The following HRH1 variants were observed in gnomAD, a reference collection of about 807,000 sequenced individuals.
The protein encoded by HRH1 is histamine receptor H1, also known as histamine H1 receptor.
A neutral mutation model predicts 10.3 loss-of-function variants in HRH1; 6 were observed. The observed-to-expected ratio is 0.58, with a 90% CI of 0.32 to 1.15. HRH1 has a LOEUF of 1.15. Ranked by LOEUF, HRH1 falls within the 50% of genes most tolerant of loss-of-function variation. The probability of loss-of-function intolerance (pLI) is 0.05; values close to 1 mark genes in which losing one functional copy is unlikely to be tolerated. For synonymous variants in HRH1, 242 were observed against 236.7 expected, an observed-to-expected ratio of 1.02 and a Z score of -0.21; for missense variants, 514 against 615.3, an observed-to-expected ratio of 0.84 and a Z score of 1.74.
At chr3:11,179,551 C>T (rs1252356410) in intron 1 of HRH1, among the ~76,000 whole-genome samples, 34 of 150,170 alleles carry the variant, frequency 2.3e-4, no homozygotes, top group African/African-American at 7.3e-4. Context: ...ACTCGGGAGG[C>T]GGAGCTTGCA....
intron 1 of HRH1, among the ~76,000 whole-genome samples, chr3:11,222,236 T>G (rs544124806): frequency 6.6e-6 from 1 of 150,870 alleles, no homozygotes; most frequent in East Asian, 2.0e-4. Flanking sequence ...CAGGACGGGG[T>G]GGGAGTGAGG....
intron 1 of HRH1, among the ~76,000 whole-genome samples, chr3:11,203,408 T>C (rs1344218317): frequency 1.3e-5 from 2 of 152,162 alleles, no homozygotes; most frequent in Non-Finnish European, 2.9e-5. Flanking sequence ...ATGCCTTTGG[T>C]ATTGTATCTA....
chr3:11,175,589 G>C (rs1197071787), intron 1 of HRH1, among the ~76,000 whole-genome samples: 1 of 152,074 alleles, frequency 6.6e-6, no homozygotes, highest in Non-Finnish European at 1.5e-5. Flanking sequence ...TAACCACACA[G>C]TAAAGGAGAA....
intron 1 of HRH1, among the ~76,000 whole-genome samples, chr3:11,244,420 A>G (rs186129006): frequency 3.3e-5 from 5 of 152,276 alleles, no homozygotes; most frequent in African/African-American, 1.2e-4. Flanking sequence ...ATGAGAGGAG[A>G]CTATTAGCAG....
chr3:11,237,664 C>CTTTTTT (rs376450222), intron 1 of HRH1, among the ~76,000 whole-genome samples: 18 of 83,104 alleles, frequency 2.2e-4, no homozygotes, highest in East Asian at 3.6e-4. Context: ...TTTTCTTTTC[C>CTTTTTT]TTTTTTTTTT....
intron 1 of HRH1, among the ~76,000 whole-genome samples, chr3:11,166,856 C>CTGT (rs1559258002): frequency 6.6e-5 from 8 of 121,168 alleles, no homozygotes; most frequent in Non-Finnish European, 1.2e-4. Context: ...TCCAGACCCA[C>CTGT]GACATTTGCT....
In HRH1 at chr3:11,259,143, A is replaced by G. The variant is rs1194099717; in HGVS notation, c.106A>G (p.Thr36Ala). ...QLMPLVVVLS[T>A]ICLVTVGLNL... ...GATGCCCCTGGTGGTGGTCCTGAGC[A>G]CTATCTGCTTGGTCACAGTAGGGCT... Residue 36 changes from threonine (T) to alanine (A), a missense_variant, in exon 2 of 2, where the codon ACT (threonine) becomes GCT (alanine). Transcript: ENST00000431010. The surrounding 1 kb of genome is among the most constrained non-coding windows in gnomAD (Gnocchi z 4.6). 6.2e-7 allele frequency: 1 copy of G among 1,613,826 alleles called. No individual in the cohort carries two copies. The highest frequency in any genetic ancestry group is 1.3e-5 in the African/African-American group (1 of 74,834).
At chr3:11,207,755 CT>C (rs1157207010) in intron 1 of HRH1, among the ~76,000 whole-genome samples, 2 of 152,148 alleles carry the variant, frequency 1.3e-5, no homozygotes, top group East Asian at 3.9e-4. Flanking sequence ...TCAGCTCAGT[CT>C]TTGTACATAG....
At chr3:11,142,789 C>T (rs1377722323) in intron 1 of HRH1, among the ~76,000 whole-genome samples, 2 of 152,184 alleles carry the variant, frequency 1.3e-5, no homozygotes, top group African/African-American at 2.4e-5. Flanking sequence ...TGGCAGGTGC[C>T]TGTAATCCCA....
In HRH1 at chr3:11,253,767, A is replaced by G. The variant is rs536288079; in HGVS notation, c.-35-5236A>G. Reference sequence around the variant, plus strand: ...AGGATGTTCACGTTCCCGAATGGTCATAGCAGCCCTTTGTATCATGCTCCT... The same window carrying G: ...AGGATGTTCACGTTCCCGAATGGTCGTAGCAGCCCTTTGTATCATGCTCCT... On this transcript the variant is annotated intron_variant, in intron 1 of 1. Transcript: ENST00000431010. 6.8e-4 allele frequency among the ~76,000 whole-genome samples: 104 copies of G among 152,300 alleles called. 2 individuals are homozygous for G. The South Asian group carries it at 0.018, about 27-fold the overall frequency.
intron 1 of HRH1, among the ~76,000 whole-genome samples, chr3:11,247,829 G>A (rs1939530280): frequency 6.6e-6 from 1 of 152,166 alleles, no homozygotes; most frequent in African/African-American, 2.4e-5. Flanking sequence ...GGGGAACTAA[G>A]GGAGGTTTTG....
chr3:11,233,512 G>T (rs1939096551), intron 1 of HRH1, among the ~76,000 whole-genome samples: 1 of 152,018 alleles, frequency 6.6e-6, no homozygotes, highest in African/African-American at 2.4e-5. Context: ...GTAATAATTA[G>T]GTCCCCACCT....
At chr3:11,143,281 G>C (rs1453168629) in intron 1 of HRH1, among the ~76,000 whole-genome samples, 11 of 152,334 alleles carry the variant, frequency 7.2e-5, no homozygotes. Flanking sequence ...TCAACCTGCT[G>C]TGTGGAGAGT....
chr3:11,176,700 C>G (rs1937255060), intron 1 of HRH1, among the ~76,000 whole-genome samples: 1 of 152,238 alleles, frequency 6.6e-6, no homozygotes, highest in Non-Finnish European at 1.5e-5. Context: ...CACATCTCCT[C>G]TCTGCCAGGC....
intron 1 of HRH1, among the ~76,000 whole-genome samples, chr3:11,227,327 C>T (rs1308058042): frequency 6.6e-6 from 1 of 151,782 alleles, no homozygotes; most frequent in Non-Finnish European, 1.5e-5. Flanking sequence ...CGCTCTGTCC[C>T]CCAGGCTGGA....
intron 1 of HRH1, among the ~76,000 whole-genome samples, chr3:11,227,234 G>A (rs1271628066): frequency 6.6e-6 from 1 of 152,022 alleles, no homozygotes; most frequent in Non-Finnish European, 1.5e-5. Context: ...TCTGAGCATG[G>A]AACCGTAGTG....
chr3:11,170,778 G>A (rs1574986663), intron 1 of HRH1, among the ~76,000 whole-genome samples: 1 of 152,234 alleles, frequency 6.6e-6, no homozygotes, highest in East Asian at 1.9e-4. Context: ...AAATTTCAAA[G>A]AGGAATAGGA....
intron 1 of HRH1, among the ~76,000 whole-genome samples, chr3:11,191,366 C>T (rs115578351): frequency 1.3e-3 from 200 of 152,234 alleles, no homozygotes; most frequent in Non-Finnish European, 2.5e-3. Context: ...AGGGTCTTAG[C>T]GAAGGAAATG....
At chr3:11,152,693 T>C (rs1399398888), upstream of HRH1, among the ~76,000 whole-genome samples, 1 of 150,526 alleles carries the variant, frequency 6.6e-6, no homozygotes, top group East Asian at 2.0e-4. Flanking sequence ...GAAATGTATT[T>C]CCTTTAGAAT....
Sources: allele counts gnomAD v4.1 joint callset (sites outside exome capture counted in the v4.1 genomes callset), GRCh38; gene constraint gnomAD v4.1.1; non-coding constraint Gnocchi (gnomAD v3.1); transcripts MANE v1.5; gene names NCBI Gene and HGNC (gene_info 2026-07-23, HGNC 2026-07-21).